The following COL2A1 variants were observed in gnomAD, a reference collection of about 807,000 sequenced individuals.
COL2A1 encodes collagen type II alpha 1 chain.
Under a neutral mutation model 204.5 loss-of-function variants are expected in COL2A1, and 28 were observed. That is an observed-to-expected ratio of 0.14 (90% CI 0.10 to 0.19). COL2A1 has a LOEUF of 0.19. Among genes scored for constraint, COL2A1 ranks in the 10% least tolerant of loss-of-function variants. The probability of loss-of-function intolerance (pLI) is 1.00; values close to 1 mark genes in which losing one functional copy is unlikely to be tolerated. For synonymous variants in COL2A1, 708 were observed against 718.7 expected (o/e 0.99, Z 0.24); for missense variants, 1,388 against 2,027.5 (o/e 0.68, Z 6.06).
At chr12:47,984,050 C>T (rs1158478924) in intron 29 of COL2A1, 37 bp downstream of exon 29, 2 of 1,595,658 alleles carry the variant, frequency 1.3e-6, no homozygotes, top group East Asian at 2.2e-5. Context: ...CAGCCCCTGC[C>T]CCCAGGGCCA....
rs972335870 is a variant in COL2A1 at position 47,993,765 on chromosome 12, T to C, written c.924+44A>G. The C allele has an allele frequency of 3.8e-6, 6 of 1,598,736 alleles. No individual in the cohort carries two copies. In the Admixed American group the frequency reaches 5.0e-5, roughly 13 times the overall value. ...CCTGGCTAGGAAGAGGGGCTCCTCA[T>C]TGTCTCCCTCCTCCCCATCCCATTG... is the stretch of plus-strand genomic sequence containing the variant. On this transcript the variant is annotated intron_variant, in intron 14 of 53. Coordinates refer to ENST00000380518, the MANE Select transcript of COL2A1 (RefSeq NM_001844.5).
In COL2A1 at chr12:47,987,223, A is replaced by G. The variant is rs1238741998; in HGVS notation, c.1266+46T>C. On this transcript the variant is annotated intron_variant, in intron 20 of 53. Transcript: ENST00000380518. This position sits in a 1 kb window ranked among gnomAD's most constrained non-coding sequence, Gnocchi z 4.1. ...AGGGGTGTCAGGAGAGGGGAGAGGC[A>G]GGACTGGGCTCTCCTGGGGTAGCAA... 4.3e-6 allele frequency: 7 copies of G among 1,611,392 alleles called. No individual in the cohort carries two copies. The highest frequency in any genetic ancestry group is 4.5e-5 in the East Asian group (2 of 44,860).
chr12:47,986,549 G>A (rs1043516450), intron 22 of COL2A1, 106 bp from the exon 23 acceptor site: 8 of 682,618 alleles, frequency 1.2e-5, no homozygotes, highest in South Asian at 8.4e-5. Context: ...TTTCAGGGCT[G>A]GGGGGGGGCT....
chr12:47,981,390 C>A lies in COL2A1; in HGVS notation c.2416G>T (p.Val806Phe), dbSNP rs548481093. 8 of 1,611,854 alleles carry A rather than the reference C, an allele frequency of 5.0e-6. No individual in the cohort carries two copies. The highest frequency in any genetic ancestry group is 1.7e-5 in the Admixed American group (1 of 59,816). The change falls in exon 37 of 54, where the codon GTT becomes TTT. Residue 806 changes from valine (V) to phenylalanine (F), a missense_variant. Physicochemically the swap from Val to Phe is conservative, Grantham distance 50 (BLOSUM62 -1). This residue lies in a region of COL2A1 where 884 missense variants were observed against 1,415.8 expected (regional missense o/e 0.62). Coordinates refer to ENST00000380518, the MANE Select transcript of COL2A1 (RefSeq NM_001844.5). The stretch of plus-strand genomic sequence containing the variant: ...CTTCCTGCAGGACCAGGAGGTCCAA[C>A]TTCTCCCTGAGGGTGGGGAAGGGAG... ...PAGANGEKGE[V>F]GPPGPAGSAG...
intron 34 of COL2A1, 104 bp from the exon 35 acceptor site, chr12:47,982,264 C>A: frequency 9.4e-7 from 1 of 1,068,042 alleles, no homozygotes. Context: ...CAGTCCCTGC[C>A]CAAGAGGAAT....
chr12:47,997,497 G>A (rs989182082), intron 7 of COL2A1, 109 bp downstream of exon 7: 1 of 1,593,970 alleles, frequency 6.3e-7, no homozygotes, highest in Non-Finnish European at 8.6e-7. Flanking sequence ...GACAGGCTAT[G>A]TACACACTGC....
In COL2A1 at chr12:47,974,884, C is replaced by T. The variant is rs752884724; in HGVS notation, c.3887-22G>A. ...TCTCCTGCAGGGGGAAGAGGCAGCA[C>T]CCATGGGGGCTCAGACAGGCACAGA... On this transcript the variant is annotated intron_variant, in intron 51 of 53. Transcript: ENST00000380518. The T allele has an allele frequency of 4.4e-6, 7 of 1,607,756 alleles. No individual in the cohort carries two copies. In the South Asian group the frequency reaches 7.7e-5, roughly 18 times the overall value.
In COL2A1 at chr12:47,976,050, A is replaced by G. The variant is rs1265231127; in HGVS notation, c.3510T>C (p.Gly1170=). The change falls in exon 50 of 54, where the codon GGT becomes GGC. Residue 1170 remains glycine (G), a synonymous_variant. Transcript: ENST00000380518. The surrounding 1 kb of genome is among the most constrained non-coding windows in gnomAD (Gnocchi z 4.3). ...CATTAGCACCATCTTTGCCAGAGGG[A>G]CCGACGGGGCCAGGAGGACCCTGCA... ...SGPRGPPGPV[G]PSGKDGANGI... is the part of the protein sequence containing the mutation. 3 of 1,613,234 alleles carry G rather than the reference A, an allele frequency of 1.9e-6. No individual in the cohort carries two copies. The highest frequency in any genetic ancestry group is 1.7e-5 in the Admixed American group (1 of 60,014).
chr12:47,989,839 C>A (rs762266007), intron 16 of COL2A1, 34 bp from the exon 17 acceptor site: 2 of 1,606,476 alleles, frequency 1.2e-6, no homozygotes, highest in South Asian at 2.2e-5. Flanking sequence ...ATGAGAGGTG[C>A]CCACAGGCCC....
At chr12:47,998,254 A>G in intron 3 of COL2A1, 53 bp from the exon 4 acceptor site, 1 of 1,612,670 alleles carries the variant, frequency 6.2e-7, no homozygotes, top group Non-Finnish European at 8.5e-7. Context: ...CTAAGCCCCT[A>G]GTCTAAAACC....
At position 47,997,639 on chromosome 12, in the gene COL2A1, A is replaced by G; in HGVS notation, c.498T>C (p.Pro166=). ...GTPGNPGPPG[P]PGPPGPPGLG... is the part of the protein sequence containing the mutation. ...GACCAGGGGGACCAGGGGGGCCGGG[A>G]GGACCAGGGGGGCCAGGATTTCCAG... Residue 166 remains proline (P), a synonymous_variant, in exon 7 of 54, where the codon CCT becomes CCC. Coordinates refer to ENST00000380518, the MANE Select transcript of COL2A1 (RefSeq NM_001844.5). 6.2e-7 allele frequency: 1 copy of G among 1,613,526 alleles called. No homozygotes were observed. The highest frequency in any genetic ancestry group is 8.5e-7 in the Non-Finnish European group (1 of 1,179,734).
chr12:47,983,507 T>C, intron 30 of COL2A1, 69 bp from the exon 31 acceptor site: 1 of 1,537,922 alleles, frequency 6.5e-7, no homozygotes, highest in Non-Finnish European at 9.0e-7. Context: ...GGAGGCACAG[T>C]ATAGGGCAGA....
chr12:47,975,730 C>G, intron 50 of COL2A1, 125 bp from the exon 51 acceptor site: 1 of 1,059,770 alleles, frequency 9.4e-7, no homozygotes, highest in Non-Finnish European at 1.4e-6. Context: ...GGAGGTGTAG[C>G]AGGCGAGGAC....
intron 22 of COL2A1, 110 bp from the exon 23 acceptor site, chr12:47,986,553 G>A (rs569258249): frequency 1.7e-5 from 13 of 761,438 alleles, no homozygotes; most frequent in East Asian, 1.1e-4. Context: ...AGGGCTGGGG[G>A]GGGGCTTGAG....
intron 45 of COL2A1, 70 bp downstream of exon 45, chr12:47,977,530 C>A: frequency 6.2e-7 from 1 of 1,603,816 alleles, no homozygotes; most frequent in South Asian, 1.1e-5. Context: ...CCTGCCACCC[C>A]CAGCTGACCT....
rs200292126 is a variant in COL2A1 at position 47,994,385 on chromosome 12, C to A, written c.816+39G>T. 5.5e-4 allele frequency: 894 copies of A among 1,612,694 alleles called. 1 individual carries two copies. The highest frequency in any genetic ancestry group is 1.2e-3 in the Middle Eastern group (7 of 6,058). On this transcript the variant is annotated intron_variant, in intron 12 of 53. Transcript: ENST00000380518. ...GTTTAAGGCCACAGGGAGGGAGACG[C>A]TAGGAAAGATGCCTGAGGCTGGGAA...
chr12:47,981,206 A>G, intron 37 of COL2A1, 137 bp downstream of exon 37: 1 of 994,552 alleles, frequency 1.0e-6, no homozygotes, highest in Admixed American at 2.0e-5. Context: ...CCCACCCTAG[A>G]CCCAGCGGGT....
intron 30 of COL2A1, 47 bp from the exon 31 acceptor site, chr12:47,983,485 C>T (rs955390856): frequency 1.3e-6 from 2 of 1,599,516 alleles, no homozygotes; most frequent in East Asian, 2.2e-5. Context: ...AGTTTGCTGC[C>T]CTGGCCCCCA....
rs1282032509 is a variant in COL2A1 at position 47,974,434 on chromosome 12, G to A, written c.4075-103C>T. On this transcript the variant is annotated intron_variant, in intron 52 of 53. Transcript: ENST00000380518. Reference sequence around the variant, plus strand: ...AGTTCATGGTTCAAGGACCTCAAGGGTACTGGGGCAGCAGGGAGCTAGTTG... The same window carrying A: ...AGTTCATGGTTCAAGGACCTCAAGGATACTGGGGCAGCAGGGAGCTAGTTG... The A allele has an allele frequency of 3.9e-5, 58 of 1,490,506 alleles. No homozygotes were observed. In the East Asian group the frequency reaches 9.6e-4, roughly 25 times the overall value. 92.3% of individuals were successfully genotyped at this position (1,490,506 alleles called of 1,614,324 possible).
Sources: gnomAD v4.1 joint callset for allele counts on GRCh38, gnomAD v4.1.1 for gene constraint, gnomAD v4.1.1 regional missense constraint, Gnocchi (gnomAD v3.1) non-coding constraint, MANE v1.5 for transcripts, NCBI Gene and HGNC (gene_info 2026-07-23, HGNC 2026-07-21) for gene names.